Variants in BRINP2 observed in about 807,000 individuals in gnomAD.
BRINP2 encodes the protein BMP/retinoic acid-inducible neural-specific protein 2.
BRINP2 carries 21 observed loss-of-function variants against 69.2 expected under a neutral mutation model. The ratio of observed to expected loss-of-function variants is 0.30; its 90% CI spans 0.22 to 0.44. BRINP2 has a LOEUF of 0.44. Ranked by LOEUF, BRINP2 falls within the 20% of genes least tolerant of loss-of-function variation. The probability of loss-of-function intolerance (pLI) is 1.00; values close to 1 mark genes in which losing one functional copy is unlikely to be tolerated. For missense variants in BRINP2, 877 were observed against 986.0 expected (o/e 0.89, Z 1.48); for synonymous variants, 380 against 394.1 (o/e 0.96, Z 0.42).
At chr1:177,223,630 T>C (rs1327455671) in intron 1 of BRINP2, among the ~76,000 whole-genome samples, 1 of 152,218 alleles carries the variant, frequency 6.6e-6, no homozygotes, top group Non-Finnish European at 1.5e-5. Context: ...TTGGCTCTCT[T>C]GGCCTCCTCT....
chr1:177,266,073 T>C (rs1651107393), intron 4 of BRINP2, among the ~76,000 whole-genome samples: 1 of 151,728 alleles, frequency 6.6e-6, no homozygotes, highest in African/African-American at 2.4e-5. Context: ...TGAGTGGAGA[T>C]TATGCCACTG....
At chr1:177,191,313 G>C (rs558324835) in intron 1 of BRINP2, among the ~76,000 whole-genome samples, 1 of 152,128 alleles carries the variant, frequency 6.6e-6, no homozygotes, top group Non-Finnish European at 1.5e-5. Context: ...GAAATCCATC[G>C]CTTAAGACAT....
At chr1:177,216,807 C>T (rs1649394339) in intron 1 of BRINP2, among the ~76,000 whole-genome samples, 1 of 145,462 alleles carries the variant, frequency 6.9e-6, no homozygotes, top group African/African-American at 2.5e-5. Context: ...CACTTCACCA[C>T]TTTGAATATA....
intron 1 of BRINP2, among the ~76,000 whole-genome samples, chr1:177,203,261 A>C (rs1292599244): frequency 6.6e-6 from 1 of 152,164 alleles, no homozygotes; most frequent in Non-Finnish European, 1.5e-5. Flanking sequence ...TCTCACTCAT[A>C]GGTGGGAATT....
chr1:177,261,857 A>G (rs1037929587), intron 4 of BRINP2, among the ~76,000 whole-genome samples: 2 of 152,214 alleles, frequency 1.3e-5, no homozygotes, highest in African/African-American at 4.8e-5. Flanking sequence ...GAGAGTATGA[A>G]GAGAACCAAA....
intron 6 of BRINP2, among the ~76,000 whole-genome samples, chr1:177,276,828 T>C (rs999682561): frequency 6.6e-6 from 1 of 152,188 alleles, no homozygotes; most frequent in Non-Finnish European, 1.5e-5. Context: ...CCAATACAAT[T>C]CAGTTGTTGT....
At chr1:177,245,115 TA>T (rs1253991056) in intron 2 of BRINP2, among the ~76,000 whole-genome samples, 2 of 152,106 alleles carry the variant, frequency 1.3e-5, no homozygotes, top group Admixed American at 1.3e-4. Flanking sequence ...CTTCCATTCC[TA>T]GAAACAGAGG....
intron 4 of BRINP2, among the ~76,000 whole-genome samples, chr1:177,257,805 G>A (rs1392439117): frequency 1.3e-5 from 2 of 152,206 alleles, no homozygotes; most frequent in Admixed American, 6.5e-5. Flanking sequence ...TTTAGACTTT[G>A]AGCTCTGAAT....
intron 1 of BRINP2, among the ~76,000 whole-genome samples, chr1:177,176,106 G>A (rs1311666558): frequency 6.6e-6 from 1 of 152,166 alleles, no homozygotes; most frequent in Non-Finnish European, 1.5e-5. Context: ...CATCAACACA[G>A]CATGGAATCA....
intron 1 of BRINP2, among the ~76,000 whole-genome samples, chr1:177,228,209 G>C (rs1448181289): frequency 2.6e-5 from 4 of 152,214 alleles, no homozygotes; most frequent in African/African-American, 4.8e-5. Flanking sequence ...CCACCAGCTG[G>C]AGTGAAGGAA....
chr1:177,235,350 C>A (rs1649986852), intron 2 of BRINP2, among the ~76,000 whole-genome samples: 1 of 152,180 alleles, frequency 6.6e-6, no homozygotes. Flanking sequence ...CCCCATGAGG[C>A]ATTTGCAGCA....
At position 177,229,898 on chromosome 1, in the gene BRINP2, C is replaced by T. The variant is rs924857789; in HGVS notation, c.22C>T (p.Arg8Trp). ...AAGCATGAGGTGGCAGTGTGGCACTCGGTTTAGAGGGCTTCGGCCGGCGGT... is the reference window on the plus strand; with the variant it reads ...AAGCATGAGGTGGCAGTGTGGCACTTGGTTTAGAGGGCTTCGGCCGGCGGT... The part of the protein sequence containing the change: MRWQCGT[R>W]FRGLRPAVAP... Residue 8 changes from arginine to tryptophan, a missense_variant, in exon 2 of 8, where the codon CGG becomes TGG. Arg to Trp is a moderately radical substitution (Grantham distance 101). Transcript: ENST00000361539. The T allele has an allele frequency of 5.7e-6, 9 of 1,590,002 alleles. No individual in the cohort carries two copies. The highest frequency in any genetic ancestry group is 1.7e-4 in the Middle Eastern group (1 of 5,970).
intron 1 of BRINP2, among the ~76,000 whole-genome samples, chr1:177,205,420 A>G (rs1329651445): frequency 6.6e-6 from 1 of 152,204 alleles, no homozygotes; most frequent in African/African-American, 2.4e-5. Context: ...CTGGGATTAC[A>G]GCCGTGAGCC....
In BRINP2 at chr1:177,278,574, G is replaced by A. The variant is rs758583821; in HGVS notation, c.1024G>A (p.Ala342Thr). ...GTTCTTGTCCACAGAAGAGTTCCAG[G>A]CCCTGCTGAAAAGGCTGCCCGATGA... Reference protein sequence around the residue: ...RQFEESEEFQALLKRLPDDRF... With the variant: ...RQFEESEEFQTLLKRLPDDRF... Residue 342 changes from alanine (A) to threonine (T), a missense_variant, in exon 7 of 8, where the codon GCC becomes ACC. Coordinates refer to ENST00000361539, the MANE Select transcript of BRINP2 (RefSeq NM_021165.4). The A allele has an allele frequency of 2.3e-5, 37 of 1,613,972 alleles. 1 individual carries two copies. The highest frequency in any genetic ancestry group is 2.1e-4 in the South Asian group (19 of 91,070).
In BRINP2 at chr1:177,189,409, C is replaced by G. The variant is rs547700482; in HGVS notation, c.-77+17677C>G. Among the ~76,000 whole-genome samples the G allele has an allele frequency of 9.5e-3, 1,445 of 152,198 alleles. 14 individuals are homozygous for G. The highest frequency in any genetic ancestry group is 0.015 in the Non-Finnish European group (1,029 of 68,010). On this transcript the variant is annotated intron_variant, in intron 1 of 7. Transcript: ENST00000361539. ...CAGGACAGTCCTGCCTCTGCCAAGC[C>G]CCTGTCCACAGTGAATGTTGTAGAG... is the stretch of plus-strand genomic sequence containing the variant.
chr1:177,237,197 A>C (rs970111869), intron 2 of BRINP2, among the ~76,000 whole-genome samples: 1 of 152,210 alleles, frequency 6.6e-6, no homozygotes, highest in Non-Finnish European at 1.5e-5. Flanking sequence ...ATACTTTTGC[A>C]CACTTGATCC....
In BRINP2 at chr1:177,280,957, G is replaced by A; in HGVS notation, c.1781G>A (p.Gly594Glu). 1.2e-6 allele frequency: 2 copies of A among 1,614,162 alleles called. No homozygotes were observed. Among genetic ancestry groups the A allele is most frequent in the Non-Finnish European group, 1.7e-6 (2 of 1,180,044 alleles). The change falls in exon 8 of 8, where the codon GGG becomes GAG. Residue 594 changes from glycine to glutamate, a missense_variant. By Grantham distance (98) the Gly-to-Glu change is moderately conservative (BLOSUM62 -2). Transcript: ENST00000361539. ...PVMAIYVNPF[G>E]GSHSESWFMP... ...ATGGCCATCTACGTCAACCCCTTTG[G>A]GGGCAGCCACTCTGAGAGCTGGTTC...
At chr1:177,191,322 A>G (rs926009618) in intron 1 of BRINP2, among the ~76,000 whole-genome samples, 2 of 152,344 alleles carry the variant, frequency 1.3e-5, no homozygotes, top group Admixed American at 6.5e-5. Context: ...CGCTTAAGAC[A>G]TCTCAAGCTA....
At position 177,280,602 on chromosome 1, in the gene BRINP2, C is replaced by T. The variant is rs145874613; in HGVS notation, c.1426C>T (p.Arg476Cys). The part of the protein sequence containing the change: ...CAHCAPDNST[R>C]CGSCNPGYVL... ...CCACTGTGCTCCAGACAATAGCACACGCTGTGGGAGCTGCAACCCGGGCTA... is the reference window on the plus strand; with the variant it reads ...CCACTGTGCTCCAGACAATAGCACATGCTGTGGGAGCTGCAACCCGGGCTA... The change falls in exon 8 of 8, where the codon CGC (arginine) becomes TGC (cysteine). Residue 476 changes from arginine (R) to cysteine (C), a missense_variant. By Grantham distance (180) the Arg-to-Cys change is radical. Transcript: ENST00000361539. 196 of 1,614,088 alleles carry T rather than the reference C, an allele frequency of 1.2e-4. No homozygotes were observed. The highest frequency in any genetic ancestry group is 1.7e-4 in the African/African-American group (13 of 75,068).
Sources: allele counts gnomAD v4.1 joint callset (sites outside exome capture counted in the v4.1 genomes callset), GRCh38; gene constraint gnomAD v4.1.1; transcripts MANE v1.5; gene names NCBI Gene and HGNC (gene_info 2026-07-23, HGNC 2026-07-21).